The following RBM28 variants were observed in gnomAD, a reference collection of about 807,000 sequenced individuals.
The protein encoded by RBM28 is RNA-binding protein 28.
Under a neutral mutation model 98.3 loss-of-function variants are expected in RBM28, and 78 were observed. The ratio of observed to expected loss-of-function variants is 0.79; its 90% CI spans 0.66 to 0.96. The LOEUF (loss-of-function observed/expected upper bound fraction) is 0.96, where lower values mean the gene tolerates loss of function less well. Ranked by LOEUF, RBM28 falls within the 40% of genes least tolerant of loss-of-function variation. RBM28 has a pLI of 0.00. For missense variants in RBM28, 838 were observed against 913.0 expected (o/e 0.92, Z 1.06); for synonymous variants, 306 against 330.9 (o/e 0.92, Z 0.82).
At chr7:128,325,755 G>C in intron 11 of RBM28, 63 bp downstream of exon 11, 1 of 1,084,746 alleles carries the variant, frequency 9.2e-7, no homozygotes, top group Non-Finnish European at 1.4e-6. Flanking sequence ...ATAAATACCA[G>C]ATGTTGCCCC....
At position 128,300,916 on chromosome 7, in the gene RBM28, A is replaced by T. The variant is rs540776430; in HGVS notation, c.*9881T>A. 7.2e-5 allele frequency: 11 copies of T among 152,466 alleles called. No individual in the cohort carries two copies. Among genetic ancestry groups the T allele is most frequent in the African/African-American group, 2.6e-4 (11 of 41,572 alleles). 9.4% of individuals were successfully genotyped at this position (152,466 alleles called of 1,614,324 possible). On this transcript the variant is annotated 3_prime_UTR_variant, in exon 19 of 19. Coordinates refer to ENST00000223073, the MANE Select transcript of RBM28 (RefSeq NM_018077.3). ...ATGGCACAGCCAGCTCCTCAGAGAGACAGGACACACTCTCCTTCTGCCTGC... is the reference window on the plus strand; with the variant it reads ...ATGGCACAGCCAGCTCCTCAGAGAGTCAGGACACACTCTCCTTCTGCCTGC...
intron 18 of RBM28, 129 bp from the exon 19 acceptor site, chr7:128,311,060 T>TAG: frequency 1.1e-6 from 1 of 915,272 alleles, no homozygotes; most frequent in Non-Finnish European, 1.7e-6. Flanking sequence ...GGTAGGTTTC[T>TAG]AGAGAGAGAC....
chr7:128,324,272 G>A lies in RBM28; in HGVS notation c.1339+287C>T, dbSNP rs577092295. Among the ~76,000 whole-genome samples the A allele has an allele frequency of 7.2e-5, 11 of 152,270 alleles. No individual in the cohort carries two copies. The South Asian group carries it at 1.9e-3, about 26-fold the overall frequency. ...CTCTTATTAGAAATGATGACAAGAA[G>A]CAAAGGTATTTTGAGTTCTTCCTCC... is the stretch of plus-strand genomic sequence containing the variant. On this transcript the variant is annotated intron_variant, in intron 12 of 18. Coordinates refer to ENST00000223073, the MANE Select transcript of RBM28 (RefSeq NM_018077.3).
chr7:128,323,605 G>C lies in RBM28; in HGVS notation c.1340-14C>G. The C allele has an allele frequency of 2.5e-6, 4 of 1,613,572 alleles. No homozygotes were observed. In the South Asian group the frequency reaches 3.3e-5, roughly 13 times the overall value. On this transcript the variant is annotated splice_polypyrimidine_tract_variant and intron_variant, in intron 12 of 18. Transcript: ENST00000223073. ...CAGCACGAATCACTGCAGAAAGAGG[G>C]AAAAAGGCCAAGACATCAACAAGGG...
intron 18 of RBM28, among the ~76,000 whole-genome samples, chr7:128,311,697 A>G (rs773990674): frequency 1.4e-4 from 21 of 152,222 alleles, no homozygotes; most frequent in Non-Finnish European, 2.8e-4. Flanking sequence ...TCAGGATTTC[A>G]TAATACTAAA....
At chr7:128,330,623 C>T (rs1202916533) in intron 10 of RBM28, among the ~76,000 whole-genome samples, 196 bp downstream of exon 10, 2 of 152,094 alleles carry the variant, frequency 1.3e-5, no homozygotes, top group African/African-American at 4.8e-5. Flanking sequence ...CTGCCTGCCT[C>T]AGCCTCCCAA....
Position 128,314,890 on chromosome 7 carries a change from C to G in RBM28, c.1919G>C (p.Arg640Thr). The G allele has an allele frequency of 6.2e-7, 1 of 1,614,220 alleles. No homozygotes were observed. The highest frequency in any genetic ancestry group is 8.5e-7 in the Non-Finnish European group (1 of 1,180,042). Reference protein sequence around the residue: ...EQSKVPPEQKRKAGSTSWTGF... With the variant: ...EQSKVPPEQKTKAGSTSWTGF... Reference sequence around the variant, plus strand: ...GGTCCATGAGGTAGAGCCCGCCTTTCTCTTCTGCTCTGGGGGCACCTTGCT... The same window carrying G: ...GGTCCATGAGGTAGAGCCCGCCTTTGTCTTCTGCTCTGGGGGCACCTTGCT... Residue 640 changes from arginine to threonine, a missense_variant, in exon 17 of 19, where the codon AGA becomes ACA. By Grantham distance (71) the Arg-to-Thr change is moderately conservative (BLOSUM62 -1). Transcript: ENST00000223073.
At chr7:128,324,942 G>A (rs1018981842) in intron 11 of RBM28, among the ~76,000 whole-genome samples, 1 of 152,048 alleles carries the variant, frequency 6.6e-6, no homozygotes, top group African/African-American at 2.4e-5. Context: ...CCTGGGAGAC[G>A]GAGCTTGCAG....
rs530693114 is a variant in RBM28 at position 128,300,046 on chromosome 7, G to T, written c.*10751C>A. 6.6e-6 allele frequency: 1 copy of T among 152,322 alleles called. No homozygotes were observed. The highest frequency in any genetic ancestry group is 2.4e-5 in the African/African-American group (1 of 41,574). 9.4% of individuals were successfully genotyped at this position (152,322 alleles called of 1,614,324 possible). A position where few individuals can be genotyped will look rare whatever the true frequency, so the allele number is the denominator to read the frequency against. ...AACCGTAAGGTGATAAATTTCTGTT[G>T]TTTAAGCCACCCAGCCTGTGGTACT... On this transcript the variant is annotated 3_prime_UTR_variant, in exon 19 of 19. Transcript: ENST00000223073.
chr7:128,328,789 G>C (rs1584651635), intron 10 of RBM28, among the ~76,000 whole-genome samples: 2 of 152,298 alleles, frequency 1.3e-5, no homozygotes, highest in Admixed American at 6.5e-5. Flanking sequence ...CATGAGAGCT[G>C]CAGGTACCTT....
At position 128,299,194 on chromosome 7, in the gene RBM28, G is replaced by C. The variant is rs1795749322; in HGVS notation, c.*11603C>G. On this transcript the variant is annotated 3_prime_UTR_variant, in exon 19 of 19. Coordinates refer to ENST00000223073, the MANE Select transcript of RBM28 (RefSeq NM_018077.3). ...CAGCCAAGAAGCAGAGGGGGTGAGG[G>C]AAAAGCACGATCCAGCGCCTTTAAT... The C allele has an allele frequency of 6.6e-6, 1 of 152,244 alleles. No individual in the cohort carries two copies. The highest frequency in any genetic ancestry group is 6.5e-5 in the Admixed American group (1 of 15,270). 9.4% of individuals were successfully genotyped at this position (152,244 alleles called of 1,614,324 possible).
chr7:128,338,884 T>A, intron 3 of RBM28, 83 bp from the exon 4 acceptor site: 1 of 984,746 alleles, frequency 1.0e-6, no homozygotes, highest in Non-Finnish European at 1.6e-6. Flanking sequence ...ATTCATTAAT[T>A]ATGAAAAACA....
At chr7:128,323,032 T>A (rs1040356581) in intron 13 of RBM28, among the ~76,000 whole-genome samples, 3 of 152,116 alleles carry the variant, frequency 2.0e-5, no homozygotes, top group African/African-American at 7.2e-5. Flanking sequence ...AGTTATCGGT[T>A]AACATCGGAA....
chr7:128,339,500 A>C, intron 2 of RBM28, 133 bp downstream of exon 2: 1 of 1,261,286 alleles, frequency 7.9e-7, no homozygotes, highest in Non-Finnish European at 1.1e-6. Flanking sequence ...AATACACTGG[A>C]TGATTTTGGA....
rs916030068 is a variant in RBM28, at chr7:128,315,154, G to C, written c.1789-134C>G. 9.0e-6 allele frequency: 12 copies of C among 1,326,538 alleles called. No homozygotes were observed. The African/African-American group carries it at 1.6e-4, about 18-fold the overall frequency. 82.2% of individuals were successfully genotyped at this position (1,326,538 alleles called of 1,614,324 possible). A position where few individuals can be genotyped will look rare whatever the true frequency, so the allele number is the denominator to read the frequency against. ...TCCCCCACACAATTGGAGACTAGAG[G>C]AAAGTGAATACATGTAGATCACAAG... is the stretch of plus-strand genomic sequence containing the variant. On this transcript the variant is annotated intron_variant, in intron 16 of 18. Transcript: ENST00000223073.
chr7:128,324,698 T>G lies in RBM28; in HGVS notation c.1204-4A>C, dbSNP rs1334648821. On this transcript the variant is annotated splice_polypyrimidine_tract_variant and splice_region_variant and intron_variant, in intron 11 of 18. Transcript: ENST00000223073. ...CATCCAGTTTAAGCCCACCAGCCTG[T>G]AACAGATCACAACCCTTTCTTAAAA... The G allele has an allele frequency of 6.2e-7, 1 of 1,614,056 alleles. No individual in the cohort carries two copies. The highest frequency in any genetic ancestry group is 2.2e-5 in the East Asian group (1 of 44,894).
Position 128,299,036 on chromosome 7 carries a change from C to A in RBM28, c.*11761G>T. 6.8e-6 allele frequency: 1 copy of A among 148,062 alleles called. No homozygotes were observed. The highest frequency in any genetic ancestry group is 2.0e-4 in the East Asian group (1 of 5,076). 9.2% of individuals were successfully genotyped at this position (148,062 alleles called of 1,614,324 possible). ...TCTCAAAAAAAAAAAAAAATGTACC[C>A]ATATTTGTTTTCATCAGGTATGGTA... On this transcript the variant is annotated 3_prime_UTR_variant, in exon 19 of 19. Coordinates refer to ENST00000223073, the MANE Select transcript of RBM28 (RefSeq NM_018077.3).
At chr7:128,314,407 T>C (rs746398192) in intron 17 of RBM28, among the ~76,000 whole-genome samples, 3 of 152,200 alleles carry the variant, frequency 2.0e-5, no homozygotes, top group Non-Finnish European at 2.9e-5. Flanking sequence ...ATTTAACAAA[T>C]ATTTTGTAAA....
chr7:128,336,762 C>A (rs1796608858), intron 6 of RBM28, among the ~76,000 whole-genome samples: 2 of 151,736 alleles, frequency 1.3e-5, no homozygotes, highest in Admixed American at 1.3e-4. Flanking sequence ...TTCTCTTACA[C>A]TTTTTTTTTG....
Sources: allele counts gnomAD v4.1 joint callset (sites outside exome capture counted in the v4.1 genomes callset), GRCh38; gene constraint gnomAD v4.1.1; transcripts MANE v1.5; gene names NCBI Gene and HGNC (gene_info 2026-07-23, HGNC 2026-07-21).